DNER: variants seen among roughly 807,000 people sequenced by gnomAD.
DNER encodes the protein delta/notch like EGF repeat containing, also known as delta and Notch-like epidermal growth factor-related receptor.
Under a neutral mutation model 78.2 loss-of-function variants are expected in DNER, and 33 were observed. The ratio of observed to expected loss-of-function variants is 0.42; its 90% CI spans 0.32 to 0.56. DNER has a LOEUF of 0.56. Ranked by LOEUF, DNER falls within the 20% of genes least tolerant of loss-of-function variation. The probability of loss-of-function intolerance (pLI) is 0.11; values close to 1 mark genes in which losing one functional copy is unlikely to be tolerated. For missense variants in DNER, 918 were observed against 975.3 expected (o/e 0.94, Z 0.78); for synonymous variants, 417 against 384.8 (o/e 1.08, Z -0.98).
intron 1 of DNER, among the ~76,000 whole-genome samples, chr2:229,640,317 C>T (rs6436883): frequency 0.52 from 78,618 of 152,104 alleles, 22,255 homozygotes; most frequent in African/African-American, 0.76. Flanking sequence ...TTCCCACTCA[C>T]GAAGTCATAG....
In DNER at chr2:229,650,072, CAA is replaced by C. The variant is rs34030074; in HGVS notation, c.277-58186_277-58185del. On this transcript the variant is annotated intron_variant, in intron 1 of 12. Coordinates refer to ENST00000341772, the MANE Select transcript of DNER (RefSeq NM_139072.4). ...CCTGGGTGACAGAGCAAGACTCCGT[CAA>C]AAAAAAAAAAAAAAAAAAGAAATGG... Among the ~76,000 whole-genome samples the C allele has an allele frequency of 3.5e-3, 328 of 93,112 alleles. 2 individuals carry two copies. The highest frequency in any genetic ancestry group is 8.9e-3 in the African/African-American group (239 of 26,824). The allele number at this position is 93,112 out of a possible 152,430, so 61.1% of individuals were successfully genotyped here. A position where few individuals can be genotyped will look rare whatever the true frequency, so the allele number is the denominator to read the frequency against.
chr2:229,452,762 G>C (rs774615586), intron 7 of DNER, among the ~76,000 whole-genome samples: 3 of 152,054 alleles, frequency 2.0e-5, no homozygotes, highest in Admixed American at 6.6e-5. Context: ...CAAGTAACTG[G>C]GACTACAGGC....
At chr2:229,585,731 G>A in intron 4 of DNER, 127 bp downstream of exon 4, 1 of 933,972 alleles carries the variant, frequency 1.1e-6, no homozygotes. Context: ...TTACCAAAGT[G>A]AAAGAAATAG....
At chr2:229,545,337 G>A (rs1301508571) in intron 5 of DNER, among the ~76,000 whole-genome samples, 4 of 152,274 alleles carry the variant, frequency 2.6e-5, no homozygotes, top group Admixed American at 2.0e-4. Flanking sequence ...CACTTTGGGA[G>A]GCTGAGGCAG....
chr2:229,529,837 G>A (rs1272863237), intron 5 of DNER, among the ~76,000 whole-genome samples: 1 of 152,132 alleles, frequency 6.6e-6, no homozygotes, highest in Admixed American at 6.5e-5. Context: ...GGGATACCCT[G>A]TCTCTACGAA....
At position 229,704,717 on chromosome 2, in the gene DNER, C is replaced by T. The variant is rs146784801; in HGVS notation, c.276+9431G>A. 8.1e-4 allele frequency among the ~76,000 whole-genome samples: 123 copies of T among 152,220 alleles called. No individual in the cohort carries two copies. In the East Asian group the frequency reaches 0.017, roughly 21 times the overall value. ...ATGAGGAAATGTATAGGGATGATTG[C>T]GGTGGTGTTACACACCTATGTGTCA... On this transcript the variant is annotated intron_variant, in intron 1 of 12. Transcript: ENST00000341772.
At chr2:229,429,915 T>A (rs180988420) in intron 8 of DNER, among the ~76,000 whole-genome samples, 1 of 152,338 alleles carries the variant, frequency 6.6e-6, no homozygotes. Context: ...TTCGATTCAC[T>A]GCTCAATATT....
chr2:229,465,486 A>T (rs1228003896), intron 7 of DNER, among the ~76,000 whole-genome samples: 1 of 152,202 alleles, frequency 6.6e-6, no homozygotes, highest in Admixed American at 6.5e-5. Flanking sequence ...CTTAATACCT[A>T]GGTGATGGGT....
At chr2:229,395,888 A>T (rs539053512) in intron 10 of DNER, among the ~76,000 whole-genome samples, 1 of 152,014 alleles carries the variant, frequency 6.6e-6, no homozygotes, top group Non-Finnish European at 1.5e-5. Context: ...ACAGAGCAAG[A>T]CTCTGTCTCA....
rs1480987618 is a variant in DNER at position 229,714,370 on chromosome 2, G to T, written c.54C>A (p.Ala18=). The part of the protein sequence containing the change: ...APGAQLLPAL[A]LLLLLLGAGP... Reference sequence around the variant, plus strand: ...CCGCTCCGAGCAGCAGCAGCAGCAGGGCCAGCGCGGGCAGCAGCTGCGCAC... The same window carrying T: ...CCGCTCCGAGCAGCAGCAGCAGCAGTGCCAGCGCGGGCAGCAGCTGCGCAC... Residue 18 remains alanine, a synonymous_variant, in exon 1 of 13, where the codon GCC becomes GCA. Coordinates refer to ENST00000341772, the MANE Select transcript of DNER (RefSeq NM_139072.4). 8.2e-7 allele frequency: 1 copy of T among 1,217,626 alleles called. No homozygotes were observed. Among genetic ancestry groups the T allele is most frequent in the Non-Finnish European group, 1.0e-6 (1 of 981,848 alleles). The allele number at this position is 1,217,626 out of a possible 1,614,324, so 75.4% of individuals were successfully genotyped here.
chr2:229,611,905 T>C (rs1193412794), intron 1 of DNER, among the ~76,000 whole-genome samples: 1 of 152,206 alleles, frequency 6.6e-6, no homozygotes, highest in Non-Finnish European at 1.5e-5. Context: ...CTGAGTCTCT[T>C]TGAAGCCCTT....
At position 229,591,929 on chromosome 2, in the gene DNER, G is replaced by A. The variant is rs1697616211; in HGVS notation, c.277-41C>T. The A allele has an allele frequency of 6.9e-7, 1 of 1,458,716 alleles. No homozygotes were observed. The highest frequency in any genetic ancestry group is 2.7e-5 in the Admixed American group (1 of 37,728). The allele number at this position is 1,458,716 out of a possible 1,614,324, so 90.4% of individuals were successfully genotyped here. On this transcript the variant is annotated intron_variant, in intron 1 of 12. Coordinates refer to ENST00000341772, the MANE Select transcript of DNER (RefSeq NM_139072.4). This position sits in a 1 kb window ranked among gnomAD's most constrained non-coding sequence, Gnocchi z 4.6. ...AAATGGGTCAATTATTCCCTCATAA[G>A]AAAAGTGGTGCCATCGCTGGGAAAT...
rs1694362377 is a variant in DNER, at chr2:229,447,400, G to A, written c.1402C>T (p.Leu468Phe). ...GGGCTGAGGGCACAGAAGTCAATAA[G>A]CTGGGCACAGGTCGGCCCTGTGAAG... ...PGFTGPTCAQ[L>F]IDFCALSPCA... Residue 468 changes from leucine to phenylalanine, a missense_variant, in exon 8 of 13, where the codon CTT (leucine) becomes TTT (phenylalanine). Coordinates refer to ENST00000341772, the MANE Select transcript of DNER (RefSeq NM_139072.4). 1 of 1,613,598 alleles carries A rather than the reference G, an allele frequency of 6.2e-7. No individual in the cohort carries two copies. Among genetic ancestry groups the A allele is most frequent in the South Asian group, 1.1e-5 (1 of 90,948 alleles).
intron 1 of DNER, among the ~76,000 whole-genome samples, chr2:229,630,675 G>A (rs901828498): frequency 6.6e-6 from 1 of 151,976 alleles, no homozygotes; most frequent in Non-Finnish European, 1.5e-5. Context: ...GAGGGTACAT[G>A]TGCAGGTTTG....
At chr2:229,615,673 C>T (rs1698144847) in intron 1 of DNER, among the ~76,000 whole-genome samples, 3 of 152,096 alleles carry the variant, frequency 2.0e-5, no homozygotes, top group South Asian at 2.1e-4. Context: ...GACCGTGCCA[C>T]TGCACTCTAG....
At chr2:229,413,496 T>A (rs916258846) in intron 9 of DNER, among the ~76,000 whole-genome samples, 2 of 151,452 alleles carry the variant, frequency 1.3e-5, no homozygotes, top group African/African-American at 4.8e-5. Context: ...CTAATTTTTG[T>A]ATTTTTAGTA....
intron 1 of DNER, among the ~76,000 whole-genome samples, chr2:229,660,515 T>G (rs1698990940): frequency 6.6e-6 from 1 of 152,190 alleles, no homozygotes; most frequent in Non-Finnish European, 1.5e-5. Flanking sequence ...CTTTACCCAG[T>G]GACTGAGAAT....
chr2:229,592,308 C>G, intron 1 of DNER, among the ~76,000 whole-genome samples: 1 of 152,180 alleles, frequency 6.6e-6, no homozygotes, highest in East Asian at 1.9e-4. Context: ...TGCAAGGTCT[C>G]CTCATGAGAA....
intron 11 of DNER, among the ~76,000 whole-genome samples, chr2:229,369,738 C>T (rs2106327587): frequency 6.6e-6 from 1 of 152,296 alleles, no homozygotes; most frequent in East Asian, 1.9e-4. Flanking sequence ...AGGTCAAGAA[C>T]ATCAAGTTAC....
Sources: allele counts gnomAD v4.1 joint callset (sites outside exome capture counted in the v4.1 genomes callset), GRCh38; gene constraint gnomAD v4.1.1; non-coding constraint Gnocchi (gnomAD v3.1); transcripts MANE v1.5; gene names NCBI Gene and HGNC (gene_info 2026-07-23, HGNC 2026-07-21).